Variants in SHTN1 observed in about 807,000 individuals in gnomAD.
SHTN1 encodes shootin 1, also known as shootin-1.
In SHTN1, 42 loss-of-function variants were observed where a neutral mutation model predicts 83.1. The observed-to-expected ratio is 0.51, with a 90% CI of 0.39 to 0.65. SHTN1 has a LOEUF of 0.65. Among genes scored for constraint, SHTN1 ranks in the 30% least tolerant of loss-of-function variants. The probability of loss-of-function intolerance (pLI) is 0.00; values close to 1 mark genes in which losing one functional copy is unlikely to be tolerated. For synonymous variants in SHTN1, 224 were observed against 247.7 expected (o/e 0.90, Z 0.90); for missense variants, 622 against 737.8 (o/e 0.84, Z 1.82).
At chr10:116,941,662 T>C (rs1482069588) in intron 8 of SHTN1, among the ~76,000 whole-genome samples, 2 of 152,212 alleles carry the variant, frequency 1.3e-5, no homozygotes, top group Non-Finnish European at 2.9e-5. Flanking sequence ...TTCAACAACT[T>C]CACCCATCAT....
intron 3 of SHTN1, among the ~76,000 whole-genome samples, chr10:116,966,062 A>C (rs889312580): frequency 6.6e-6 from 1 of 152,034 alleles, no homozygotes; most frequent in African/African-American, 2.4e-5. Context: ...TCTGGAGTGC[A>C]GTGGCAAGAT....
chr10:116,902,366 C>T (rs1032593673), intron 15 of SHTN1, among the ~76,000 whole-genome samples: 2 of 152,186 alleles, frequency 1.3e-5, no homozygotes, highest in African/African-American at 4.8e-5. Context: ...GCAAATGGAA[C>T]CATGTCAAAA....
chr10:116,978,321 C>G (rs1441179386), intron 2 of SHTN1, among the ~76,000 whole-genome samples: 1 of 152,116 alleles, frequency 6.6e-6, no homozygotes, highest in African/African-American at 2.4e-5. Context: ...AGCTCTTACT[C>G]CGAAATTTTA....
intron 1 of SHTN1, among the ~76,000 whole-genome samples, chr10:117,078,888 G>C (rs1853206128): frequency 6.6e-6 from 1 of 152,120 alleles, no homozygotes; most frequent in East Asian, 1.9e-4. Context: ...TCAAATCTGT[G>C]GGCAGAGTTG....
At chr10:116,982,232 T>G (rs1851049529) in intron 1 of SHTN1, among the ~76,000 whole-genome samples, 2 of 152,182 alleles carry the variant, frequency 1.3e-5, no homozygotes, top group Non-Finnish European at 2.9e-5. Flanking sequence ...AATTACTGAG[T>G]ATTTATGAAA....
chr10:116,892,094 A>G, intron 16 of SHTN1, among the ~76,000 whole-genome samples: 1 of 152,312 alleles, frequency 6.6e-6, no homozygotes, highest in African/African-American at 2.4e-5. Context: ...GGCTGGGCAA[A>G]GATCTATGTC....
intron 1 of SHTN1, among the ~76,000 whole-genome samples, chr10:117,101,869 T>G (rs2133629934): frequency 6.6e-6 from 1 of 152,224 alleles, no homozygotes; most frequent in South Asian, 2.1e-4. Flanking sequence ...CCTTCCAACA[T>G]GAGATTTGAT....
intron 1 of SHTN1, among the ~76,000 whole-genome samples, chr10:117,106,248 A>C (rs932481718): frequency 1.3e-5 from 2 of 152,180 alleles, no homozygotes; most frequent in South Asian, 4.1e-4. Context: ...GGAGGTCAAG[A>C]GATCAAGACC....
chr10:117,098,366 C>T (rs1853537892), intron 1 of SHTN1, among the ~76,000 whole-genome samples: 1 of 146,364 alleles, frequency 6.8e-6, no homozygotes, highest in Admixed American at 6.9e-5. Flanking sequence ...CACTGCCCTC[C>T]AGCCTGGGCG....
intron 1 of SHTN1, among the ~76,000 whole-genome samples, chr10:116,984,303 C>A (rs907741705): frequency 2.0e-5 from 3 of 152,264 alleles, no homozygotes; most frequent in East Asian, 3.9e-4. Context: ...AAATTCAGTT[C>A]TTCAGTTGCA....
intron 16 of SHTN1, among the ~76,000 whole-genome samples, chr10:116,893,348 G>T (rs1255230024): frequency 6.6e-6 from 1 of 152,110 alleles, no homozygotes; most frequent in Non-Finnish European, 1.5e-5. Context: ...AACCTTTGTA[G>T]CAGCGCTTTG....
chr10:117,012,345 C>G (rs771747009), intron 2 of SHTN1, among the ~76,000 whole-genome samples: 1 of 152,040 alleles, frequency 6.6e-6, no homozygotes. Flanking sequence ...GGAGGACTCA[C>G]GCTACCTGAT....
Position 117,105,267 on chromosome 10 carries a change from C to A in SHTN1, c.-189+21040G>T, listed in dbSNP as rs574662950. 7.4e-4 allele frequency among the ~76,000 whole-genome samples: 113 copies of A among 152,258 alleles called. 2 individuals carry two copies. In the South Asian group the frequency reaches 0.022, roughly 30 times the overall value. ...TCAACAGCACTTATCACAATGATATCTAAAAGGTACACAGTAAATATTTGC... is the reference window on the plus strand; with the variant it reads ...TCAACAGCACTTATCACAATGATATATAAAAGGTACACAGTAAATATTTGC... On this transcript the variant is annotated intron_variant, in intron 1 of 17. Transcript: ENST00000392901.
At chr10:116,987,132 A>G (rs566054207) in intron 1 of SHTN1, among the ~76,000 whole-genome samples, 2 of 152,270 alleles carry the variant, frequency 1.3e-5, no homozygotes, top group African/African-American at 4.8e-5. Flanking sequence ...ACCAGAGCCT[A>G]ACAGACTTGG....
intron 1 of SHTN1, among the ~76,000 whole-genome samples, chr10:117,121,973 A>G (rs1853935275): frequency 6.6e-6 from 1 of 152,166 alleles, no homozygotes; most frequent in Admixed American, 6.5e-5. Context: ...AGAAGCTTGC[A>G]ATGAGCTGAG....
intron 1 of SHTN1, among the ~76,000 whole-genome samples, chr10:117,070,795 G>A (rs184295966): frequency 4.6e-4 from 69 of 151,502 alleles, no homozygotes; most frequent in Non-Finnish European, 8.3e-4. Flanking sequence ...ATTCAACGTC[G>A]AATCCTTTCT....
chr10:116,985,669 A>C (rs751418469), intron 1 of SHTN1, among the ~76,000 whole-genome samples: 3 of 152,234 alleles, frequency 2.0e-5, no homozygotes, highest in Non-Finnish European at 4.4e-5. Context: ...ATGAAGGTTT[A>C]AATAGCCATC....
At chr10:116,929,012 ACTT>A (rs1436277895) in intron 10 of SHTN1, among the ~76,000 whole-genome samples, 1 of 152,216 alleles carries the variant, frequency 6.6e-6, no homozygotes, top group Non-Finnish European at 1.5e-5. Context: ...AGAATGAAAT[ACTT>A]CTTAATTTTG....
chr10:117,005,559 A>G (rs973043388), upstream of SHTN1: 14 of 998,474 alleles, frequency 1.4e-5, no homozygotes, highest in Non-Finnish European at 1.3e-5. Context: ...AGAACCACAG[A>G]GGTAGAGCGG....
Sources: allele counts gnomAD v4.1 joint callset (sites outside exome capture counted in the v4.1 genomes callset), GRCh38; gene constraint gnomAD v4.1.1; transcripts MANE v1.5; gene names NCBI Gene and HGNC (gene_info 2026-07-23, HGNC 2026-07-21).